Variants in PLCL2 observed in about 807,000 individuals in gnomAD.
PLCL2 encodes the protein inactive phospholipase C-like protein 2.
A neutral mutation model predicts 79.6 loss-of-function variants in PLCL2; 4 were observed. The ratio of observed to expected loss-of-function variants is 0.05; its 90% CI spans 0.02 to 0.11. PLCL2 has a LOEUF of 0.11. PLCL2 is among the 10% of genes least tolerant of loss of function. The pLI is 1.00. For missense variants in PLCL2, 895 were observed against 1,291.0 expected, an observed-to-expected ratio of 0.69 and a Z score of 4.70; for synonymous variants, 484 against 457.7, an observed-to-expected ratio of 1.06 and a Z score of -0.73.
chr3:16,940,773 TATG>T (rs1169659455), intron 1 of PLCL2, among the ~76,000 whole-genome samples: 4 of 152,252 alleles, frequency 2.6e-5, no homozygotes, highest in Non-Finnish European at 5.9e-5. Flanking sequence ...TATTATAAGA[TATG>T]ATAATAGCTT....
chr3:17,027,756 C>G (rs563122986), intron 3 of PLCL2, among the ~76,000 whole-genome samples: 2 of 152,196 alleles, frequency 1.3e-5, no homozygotes, highest in African/African-American at 4.8e-5. Flanking sequence ...AGACTGTTAT[C>G]GTTGCCTGAG....
At chr3:16,999,092 T>C (rs1051384421) in intron 1 of PLCL2, among the ~76,000 whole-genome samples, 1 of 152,218 alleles carries the variant, frequency 6.6e-6, no homozygotes, top group Admixed American at 6.5e-5. Flanking sequence ...ATGTGAATAC[T>C]TATACAAGAC....
intron 3 of PLCL2, among the ~76,000 whole-genome samples, chr3:17,019,445 G>A (rs572509912): frequency 6.6e-6 from 1 of 152,308 alleles, no homozygotes; most frequent in African/African-American, 2.4e-5. Context: ...CAGAACCGGG[G>A]TTGGCACCCA....
chr3:16,885,900 A>G (rs1361269819), intron 1 of PLCL2, among the ~76,000 whole-genome samples: 1 of 152,230 alleles, frequency 6.6e-6, no homozygotes, highest in Non-Finnish European at 1.5e-5. Context: ...CTCAGTCACA[A>G]AGAAAAATAG....
chr3:16,920,046 T>C (rs1440641080), intron 1 of PLCL2, among the ~76,000 whole-genome samples: 2 of 152,174 alleles, frequency 1.3e-5, no homozygotes, highest in African/African-American at 4.8e-5. Flanking sequence ...CCTCTGAGAG[T>C]AGAAATCAGT....
chr3:17,035,176 C>T (rs1054681625), intron 3 of PLCL2, among the ~76,000 whole-genome samples: 32 of 152,140 alleles, frequency 2.1e-4, no homozygotes, highest in African/African-American at 7.5e-4. Flanking sequence ...CGGTTGTACT[C>T]GAGGTTCTTA....
At chr3:17,021,370 A>G (rs1484433966) in intron 3 of PLCL2, among the ~76,000 whole-genome samples, 1 of 152,188 alleles carries the variant, frequency 6.6e-6, no homozygotes, top group East Asian at 1.9e-4. Flanking sequence ...AGTGAAAATA[A>G]ATGTTTAAAC....
intron 1 of PLCL2, among the ~76,000 whole-genome samples, chr3:16,900,899 TTCTC>T: frequency 6.6e-6 from 1 of 152,332 alleles, no homozygotes; most frequent in Non-Finnish European, 1.5e-5. Context: ...AGCAATTCAT[TTCTC>T]TCTCACTTCA....
chr3:16,992,836 C>T (rs1335657467), intron 1 of PLCL2, among the ~76,000 whole-genome samples: 1 of 152,180 alleles, frequency 6.6e-6, no homozygotes, highest in South Asian at 2.1e-4. Context: ...AAACAAAAAG[C>T]AGTCATAAGG....
At chr3:17,069,617 C>T (rs1170037931) in intron 5 of PLCL2, among the ~76,000 whole-genome samples, 1 of 152,096 alleles carries the variant, frequency 6.6e-6, no homozygotes, top group Non-Finnish European at 1.5e-5. Flanking sequence ...AGATTCAAGA[C>T]CATAAAGACA....
At chr3:17,079,168 C>G (rs557329602) in intron 5 of PLCL2, among the ~76,000 whole-genome samples, 10 of 152,292 alleles carry the variant, frequency 6.6e-5, no homozygotes, top group African/African-American at 1.9e-4. Flanking sequence ...CGCCCATGGC[C>G]CAGCCCCACT....
At chr3:16,960,529 C>G (rs962004131) in intron 1 of PLCL2, among the ~76,000 whole-genome samples, 4 of 152,182 alleles carry the variant, frequency 2.6e-5, no homozygotes, top group African/African-American at 9.7e-5. Flanking sequence ...CTACTCAGCA[C>G]CACTTGACGT....
intron 4 of PLCL2, among the ~76,000 whole-genome samples, chr3:17,051,601 A>C (rs975187204): frequency 6.6e-6 from 1 of 152,172 alleles, no homozygotes; most frequent in Admixed American, 6.5e-5. Flanking sequence ...AGCAGGATTT[A>C]GGGCAGGAAA....
intron 1 of PLCL2, among the ~76,000 whole-genome samples, chr3:17,003,858 C>G (rs2064233637): frequency 6.6e-6 from 1 of 152,118 alleles, no homozygotes; most frequent in African/African-American, 2.4e-5. Flanking sequence ...CTACCCTTTT[C>G]CCAGTGGCCC....
chr3:16,952,754 T>G (rs562064940), intron 1 of PLCL2, among the ~76,000 whole-genome samples: 5 of 152,228 alleles, frequency 3.3e-5, no homozygotes, highest in African/African-American at 1.2e-4. Flanking sequence ...TATATTTGTT[T>G]TTCTGAATGT....
intron 1 of PLCL2, among the ~76,000 whole-genome samples, chr3:16,899,881 G>C (rs1696579913): frequency 7.1e-6 from 1 of 140,388 alleles, no homozygotes; most frequent in East Asian, 2.2e-4. Flanking sequence ...TATTTTAGAG[G>C]GCACGTTTAC....
intron 3 of PLCL2, among the ~76,000 whole-genome samples, chr3:17,042,498 A>G (rs938751968): frequency 6.6e-6 from 1 of 152,204 alleles, no homozygotes; most frequent in Admixed American, 6.5e-5. Context: ...GAAGTTTTCT[A>G]TAAGATGAAG....
At chr3:16,966,457 A>T (rs887824503) in intron 1 of PLCL2, among the ~76,000 whole-genome samples, 2 of 152,078 alleles carry the variant, frequency 1.3e-5, no homozygotes, top group Non-Finnish European at 2.9e-5. Flanking sequence ...AATGTTCATC[A>T]AGGATATTGG....
At chr3:17,071,629 T>C (rs1278713089) in intron 5 of PLCL2, among the ~76,000 whole-genome samples, 1 of 152,200 alleles carries the variant, frequency 6.6e-6, no homozygotes, top group Non-Finnish European at 1.5e-5. Context: ...TTTTAATGAT[T>C]CTAAGTCATA....
Sources: gnomAD v4.1 joint callset for allele counts (sites outside exome capture counted in the v4.1 genomes callset) on GRCh38, gnomAD v4.1.1 for gene constraint, MANE v1.5 for transcripts, NCBI Gene and HGNC (gene_info 2026-07-23, HGNC 2026-07-21) for gene names.